TMEM63A: variants seen among roughly 807,000 people sequenced by gnomAD.
TMEM63A encodes transmembrane protein 63A.
A neutral mutation model predicts 100.6 loss-of-function variants in TMEM63A; 76 were observed. That is an observed-to-expected ratio of 0.76 (90% CI 0.63 to 0.91). The LOEUF (loss-of-function observed/expected upper bound fraction) is 0.91, where lower values mean the gene tolerates loss of function less well. Ranked by LOEUF, TMEM63A falls within the 40% of genes least tolerant of loss-of-function variation. TMEM63A has a pLI of 0.00. For synonymous variants in TMEM63A, 401 were observed against 401.1 expected (o/e 1.00, Z 0.00); for missense variants, 876 against 1,008.8 (o/e 0.87, Z 1.78).
chr1:225,880,622 T>C (rs931377330), intron 1 of TMEM63A, among the ~76,000 whole-genome samples: 4 of 152,262 alleles, frequency 2.6e-5, no homozygotes, highest in Non-Finnish European at 4.4e-5. Context: ...CCCTTATTCC[T>C]ACTCAATATG....
At chr1:225,852,190 TA>T (rs1361827203) in intron 20 of TMEM63A, among the ~76,000 whole-genome samples, 3 of 152,226 alleles carry the variant, frequency 2.0e-5, no homozygotes, top group Non-Finnish European at 4.4e-5. Flanking sequence ...GGAATTCATT[TA>T]AAAATGAATG....
chr1:225,844,070 G>GATA (rs1668675573), downstream of TMEM63A, among the ~76,000 whole-genome samples: 1 of 152,136 alleles, frequency 6.6e-6, no homozygotes, highest in African/African-American at 2.4e-5. Flanking sequence ...GTAAAATGGA[G>GATA]ATAATAGTAC....
In TMEM63A at chr1:225,862,847, C is replaced by T. The variant is rs115639846; in HGVS notation, c.751G>A (p.Ala251Thr). The T allele has an allele frequency of 4.0e-5, 64 of 1,613,728 alleles. No individual in the cohort carries two copies. In the African/African-American group the frequency reaches 4.1e-4, roughly 10 times the overall value. ...KETVESHFRD[A>T]YPTCEVVDVQ... ...TCAACCACCTCACACGTGGGATACG[C>T]GTCCCTGTGGCCAGGGAGAGAAGGA... Residue 251 changes from alanine (A) to threonine (T), a missense_variant, in exon 11 of 25, where the codon GCG becomes ACG. Around this residue, in one of 5 missense-constraint regions of TMEM63A, gnomAD observed 487 missense variants for 581.9 expected, o/e 0.84. Coordinates refer to ENST00000366835, the MANE Select transcript of TMEM63A (RefSeq NM_014698.3). This position sits in a 1 kb window ranked among gnomAD's most constrained non-coding sequence, Gnocchi z 5.1.
chr1:225,872,081 C>G, intron 4 of TMEM63A, 28 bp from the exon 5 acceptor site: 1 of 1,477,710 alleles, frequency 6.8e-7, no homozygotes, highest in Non-Finnish European at 9.3e-7. Context: ...AAAAAAATGA[C>G]AGATAATTCT....
At position 225,856,902 on chromosome 1, in the gene TMEM63A, G is replaced by A; in HGVS notation, c.1484+9C>T. 6.2e-7 allele frequency: 1 copy of A among 1,609,826 alleles called. No homozygotes were observed. Among genetic ancestry groups the A allele is most frequent in the Non-Finnish European group, 8.5e-7 (1 of 1,178,528 alleles). The stretch of plus-strand genomic sequence containing the variant: ...TAGGGGCAGGGCCTCGGGGCTCCCG[G>A]GCACTCACTTGGTCCAGTGAGACTC... On this transcript the variant is annotated intron_variant, in intron 16 of 24. Coordinates refer to ENST00000366835, the MANE Select transcript of TMEM63A (RefSeq NM_014698.3).
intron 6 of TMEM63A, among the ~76,000 whole-genome samples, chr1:225,870,397 C>A (rs1283290100): frequency 6.6e-6 from 1 of 150,652 alleles, no homozygotes; most frequent in Non-Finnish European, 1.5e-5. Context: ...TTCTTAGATT[C>A]AATGGAATAT....
chr1:225,866,557 A>T lies in TMEM63A; in HGVS notation c.675+17T>A. The T allele has an allele frequency of 6.2e-7, 1 of 1,611,044 alleles. No homozygotes were observed. Among genetic ancestry groups the T allele is most frequent in the South Asian group, 1.1e-5 (1 of 90,788 alleles). ...GAGTCCCTCCCAGCACATGTCCCTA[A>T]GTCCCGCCTCACTCACCAGGTTCTC... On this transcript the variant is annotated intron_variant, in intron 9 of 24. Coordinates refer to ENST00000366835, the MANE Select transcript of TMEM63A (RefSeq NM_014698.3).
At chr1:225,869,225 G>T (rs768029931) in intron 6 of TMEM63A, among the ~76,000 whole-genome samples, 1 of 152,218 alleles carries the variant, frequency 6.6e-6, no homozygotes, top group Non-Finnish European at 1.5e-5. Context: ...CTTAGCAGGG[G>T]CTCAAGAGAT....
chr1:225,849,039 G>C, intron 21 of TMEM63A, 27 bp from the exon 22 acceptor site: 1 of 1,454,744 alleles, frequency 6.9e-7, no homozygotes, highest in Non-Finnish European at 9.5e-7. Flanking sequence ...GCTAGCCTTG[G>C]GGTGGGCAGG....
chr1:225,862,536 C>G lies in TMEM63A; in HGVS notation c.870G>C (p.Gln290His). Residue 290 changes from glutamine (Q) to histidine (H), a missense_variant, in exon 12 of 25, where the codon CAG becomes CAC. Around this residue, in one of 5 missense-constraint regions of TMEM63A, gnomAD observed 487 missense variants for 581.9 expected, o/e 0.84. Transcript: ENST00000366835. This position sits in a 1 kb window ranked among gnomAD's most constrained non-coding sequence, Gnocchi z 5.1. ...EKSLTYYTNL[Q>H]VKTGQRTLIN... ...TGAGGGTCCGCTGGCCTGTCTTCACCTGCAGGTTTGTGTAATAGGTCAGGC... is the reference window on the plus strand; with the variant it reads ...TGAGGGTCCGCTGGCCTGTCTTCACGTGCAGGTTTGTGTAATAGGTCAGGC... 1 of 1,614,096 alleles carries G rather than the reference C, an allele frequency of 6.2e-7. No individual in the cohort carries two copies. The highest frequency in any genetic ancestry group is 2.2e-5 in the East Asian group (1 of 44,872).
At position 225,845,807 on chromosome 1, in the gene TMEM63A, CTGAG is replaced by C. The variant is rs1182912141; in HGVS notation, c.*1128_*1131del. On this transcript the variant is annotated 3_prime_UTR_variant, in exon 25 of 25. Coordinates refer to ENST00000366835, the MANE Select transcript of TMEM63A (RefSeq NM_014698.3). The stretch of plus-strand genomic sequence containing the variant: ...GGGCAAGTCAGCGTCAAGAGAGTCC[CTGAG>C]TGAGAAGGCCCAGATAAGCCCAGGC... The C allele has an allele frequency of 1.6e-5, 4 of 247,474 alleles. No individual in the cohort carries two copies. The highest frequency in any genetic ancestry group is 3.1e-3 in the Middle Eastern group (2 of 646). The allele number at this position is 247,474 out of a possible 1,614,324, so 15.3% of individuals were successfully genotyped here.
intron 9 of TMEM63A, chr1:225,866,290 C>T: frequency 1.9e-6 from 1 of 517,740 alleles, no homozygotes; most frequent in East Asian, 3.4e-5. Flanking sequence ...GCCACAGAAG[C>T]TCCCCTCCCC....
chr1:225,863,132 T>C (rs360082), intron 10 of TMEM63A: 402,316 of 419,072 alleles, frequency 0.96, 193,166 homozygotes, highest in East Asian at 1. Context: ...TGGCTCACTG[T>C]AGCCTCAACC....
downstream of TMEM63A, among the ~76,000 whole-genome samples, chr1:225,841,433 C>T (rs1668402538): frequency 6.6e-6 from 1 of 151,288 alleles, no homozygotes; most frequent in Non-Finnish European, 1.5e-5. Context: ...CAGGCACCTG[C>T]CACCATGCCT....
At chr1:225,842,250 C>CT (rs1559026324), downstream of TMEM63A, 9 of 792,514 alleles carry the variant, frequency 1.1e-5, no homozygotes, top group African/African-American at 1.2e-4. Flanking sequence ...TGTGCTCGAA[C>CT]GTGGCTTCCT....
chr1:225,850,201 T>C (rs921463893), intron 20 of TMEM63A, 122 bp from the exon 21 acceptor site: 19 of 1,178,696 alleles, frequency 1.6e-5, no homozygotes, highest in Non-Finnish European at 2.3e-5. Context: ...CTCTACTGCC[T>C]GAACACAAAA....
At chr1:225,844,423 A>G (rs1668735807), downstream of TMEM63A, 6 of 1,611,860 alleles carry the variant, frequency 3.7e-6, no homozygotes, top group South Asian at 4.4e-5. Context: ...TGGCATTTGT[A>G]GGACTTTCTG....
intron 18 of TMEM63A, among the ~76,000 whole-genome samples, chr1:225,854,058 C>T (rs1012329021): frequency 1.3e-5 from 2 of 152,158 alleles, no homozygotes; most frequent in Admixed American, 6.5e-5. Flanking sequence ...CTGCTGGGGA[C>T]GGTGAGCACT....
intron 1 of TMEM63A, among the ~76,000 whole-genome samples, chr1:225,881,005 C>T (rs1671061061): frequency 6.6e-6 from 1 of 152,238 alleles, no homozygotes; most frequent in Non-Finnish European, 1.5e-5. Context: ...AAACTACAAG[C>T]AGCTCCAGGC....
Sources: allele counts gnomAD v4.1 joint callset (sites outside exome capture counted in the v4.1 genomes callset), GRCh38; gene constraint gnomAD v4.1.1; regional missense constraint gnomAD v4.1.1; non-coding constraint Gnocchi (gnomAD v3.1); transcripts MANE v1.5; gene names NCBI Gene and HGNC (gene_info 2026-07-23, HGNC 2026-07-21).